The following ZNRF1 variants were observed in gnomAD, a reference collection of about 807,000 sequenced individuals.
ZNRF1 encodes zinc and ring finger 1, also known as E3 ubiquitin-protein ligase ZNRF1.
A neutral mutation model predicts 18.4 loss-of-function variants in ZNRF1; 3 were observed. The ratio of observed to expected loss-of-function variants is 0.16; its 90% CI spans 0.07 to 0.42. ZNRF1 has a LOEUF of 0.42. Among genes scored for constraint, ZNRF1 ranks in the 10% least tolerant of loss-of-function variants. The pLI, the probability that ZNRF1 is intolerant of heterozygous loss-of-function variation, is 0.99. For synonymous variants in ZNRF1, 157 were observed against 144.2 expected, an observed-to-expected ratio of 1.09 and a Z score of -0.64; for missense variants, 310 against 329.8, an observed-to-expected ratio of 0.94 and a Z score of 0.47.
At chr16:75,098,933 T>G (rs1393408694) in intron 2 of ZNRF1, among the ~76,000 whole-genome samples, 1 of 152,194 alleles carries the variant, frequency 6.6e-6, no homozygotes, top group Non-Finnish European at 1.5e-5. Context: ...CTCTGCAGAA[T>G]ACTCGAGCCT....
intron 1 of ZNRF1, among the ~76,000 whole-genome samples, chr16:75,072,626 C>G (rs1326123239): frequency 6.6e-6 from 1 of 152,184 alleles, no homozygotes; most frequent in Non-Finnish European, 1.5e-5. Context: ...CAAAATTAAG[C>G]ATTAACACAG....
At chr16:75,070,260 C>G (rs2035854187) in intron 1 of ZNRF1, among the ~76,000 whole-genome samples, 1 of 152,172 alleles carries the variant, frequency 6.6e-6, no homozygotes, top group East Asian at 1.9e-4. Context: ...GCCGCCTAGC[C>G]CAGGCCGGCC....
chr16:75,013,868 C>T lies in ZNRF1; in HGVS notation c.424+13773C>T, dbSNP rs183957459. ...TTTTCGAGACGGAGTCTCACTGTAT[C>T]GCCCAGGCTAGGGGGCAGTGGTGTG... On this transcript the variant is annotated intron_variant, in intron 1 of 4. Coordinates refer to ENST00000335325, the MANE Select transcript of ZNRF1 (RefSeq NM_032268.5). Among the ~76,000 whole-genome samples, 330 of 151,328 alleles carry T rather than the reference C, an allele frequency of 2.2e-3. 3 individuals carry two copies. The highest frequency in any genetic ancestry group is 7.6e-3 in the African/African-American group (313 of 41,226).
rs1017733573 is a variant in ZNRF1 at position 75,065,906 on chromosome 16, G to A, written c.425-27666G>A. ...CTGTTAGAAAGTCCTGTATGTGGAAGCCGCTGCTGCTCCTCTCTCAGGTGA... is the reference window on the plus strand; with the variant it reads ...CTGTTAGAAAGTCCTGTATGTGGAAACCGCTGCTGCTCCTCTCTCAGGTGA... On this transcript the variant is annotated intron_variant, in intron 1 of 4. Transcript: ENST00000335325. Among the ~76,000 whole-genome samples the A allele has an allele frequency of 3.3e-5, 5 of 152,294 alleles. No individual in the cohort carries two copies. The East Asian group carries it at 7.7e-4, about 23-fold the overall frequency.
chr16:75,102,344 C>G (rs2036263667), intron 2 of ZNRF1, among the ~76,000 whole-genome samples: 2 of 152,178 alleles, frequency 1.3e-5, no homozygotes, highest in African/African-American at 4.8e-5. Context: ...CTTCCGGATC[C>G]TCATTCGCAA....
At chr16:75,104,708 C>G in intron 2 of ZNRF1, 76 bp from the exon 3 acceptor site, 1 of 1,331,214 alleles carries the variant, frequency 7.5e-7, no homozygotes, top group Non-Finnish European at 1.0e-6. Context: ...CCCCTAGTTC[C>G]TAGGCCCTTG....
chr16:75,062,855 A>G (rs538068521), intron 1 of ZNRF1, among the ~76,000 whole-genome samples: 26 of 152,264 alleles, frequency 1.7e-4, no homozygotes, highest in Admixed American at 1.6e-3. Context: ...ACTTTTTTAA[A>G]CTGAGGTGTC....
At chr16:75,025,228 C>T (rs1474612966) in intron 1 of ZNRF1, among the ~76,000 whole-genome samples, 2 of 151,958 alleles carry the variant, frequency 1.3e-5, no homozygotes, top group African/African-American at 2.4e-5. Context: ...CCACCACACC[C>T]GGCTAATTTT....
intron 1 of ZNRF1, among the ~76,000 whole-genome samples, chr16:75,019,240 G>T (rs2035112258): frequency 1.3e-5 from 2 of 151,292 alleles, no homozygotes; most frequent in African/African-American, 4.9e-5. Flanking sequence ...AGAGACTACT[G>T]TGTTGCTCAG....
chr16:75,040,598 G>GTTTTTTTTTTTTTTT, intron 1 of ZNRF1, among the ~76,000 whole-genome samples: 1 of 46,386 alleles, frequency 2.2e-5, no homozygotes, highest in East Asian at 8.4e-4. Flanking sequence ...TTTTTTGTGG[G>GTTTTTTTTTTTTTTT]TTTTTTTTTT....
At chr16:75,014,535 TG>T (rs1192872326) in intron 1 of ZNRF1, among the ~76,000 whole-genome samples, 1 of 152,256 alleles carries the variant, frequency 6.6e-6, no homozygotes, top group East Asian at 1.9e-4. Flanking sequence ...ATTGATCTAT[TG>T]ATCTATTCTG....
At chr16:75,069,424 G>T (rs2035843089) in intron 1 of ZNRF1, among the ~76,000 whole-genome samples, 1 of 151,916 alleles carries the variant, frequency 6.6e-6, no homozygotes, top group Admixed American at 6.6e-5. Flanking sequence ...CTGGGCTTTT[G>T]TTTTTTTGAG....
intron 1 of ZNRF1, among the ~76,000 whole-genome samples, chr16:75,018,462 G>T (rs559625955): frequency 9.2e-5 from 14 of 151,900 alleles, no homozygotes; most frequent in Non-Finnish European, 2.1e-4. Context: ...AGTAAAAATC[G>T]TATTAGAATC....
At chr16:75,031,194 CG>C (rs1555510637) in intron 1 of ZNRF1, among the ~76,000 whole-genome samples, 2 of 150,208 alleles carry the variant, frequency 1.3e-5, no homozygotes, top group Non-Finnish European at 3.0e-5. Flanking sequence ...TGAACTGGCA[CG>C]ATCTTGGCTC....
intron 1 of ZNRF1, among the ~76,000 whole-genome samples, chr16:75,053,589 CAAAAAAAAAAAAA>C (rs56775288): frequency 4.2e-5 from 3 of 71,624 alleles, no homozygotes; most frequent in African/African-American, 1.4e-4. Context: ...GACTCCATCT[CAAAAAAAAAAAAA>C]AAAAAAAAAA....
At chr16:75,055,566 C>G (rs1038975999) in intron 1 of ZNRF1, among the ~76,000 whole-genome samples, 1 of 152,168 alleles carries the variant, frequency 6.6e-6, no homozygotes, top group South Asian at 2.1e-4. Flanking sequence ...TTGCTCGTCT[C>G]CCTATGAGAG....
At chr16:75,055,735 A>C (rs2035659100) in intron 1 of ZNRF1, among the ~76,000 whole-genome samples, 1 of 152,168 alleles carries the variant, frequency 6.6e-6, no homozygotes, top group African/African-American at 2.4e-5. Context: ...TTTCCAAGTG[A>C]CCTTAGAGAT....
At chr16:75,001,859 C>T (rs796336943) in intron 1 of ZNRF1, among the ~76,000 whole-genome samples, 1 of 152,276 alleles carries the variant, frequency 6.6e-6, no homozygotes, top group African/African-American at 2.4e-5. Context: ...CAGAATTTCA[C>T]TCTTAAGCTG....
At chr16:75,047,874 C>G (rs2035536806) in intron 1 of ZNRF1, among the ~76,000 whole-genome samples, 1 of 151,932 alleles carries the variant, frequency 6.6e-6, no homozygotes, top group South Asian at 2.1e-4. Context: ...GGCCTCTTTC[C>G]TTGGCTTGCA....
Sources: gnomAD v4.1 joint callset for allele counts (sites outside exome capture counted in the v4.1 genomes callset) on GRCh38, gnomAD v4.1.1 for gene constraint, MANE v1.5 for transcripts, NCBI Gene and HGNC (gene_info 2026-07-23, HGNC 2026-07-21) for gene names.